The following MACROD2 variants were observed in gnomAD, a reference collection of about 807,000 sequenced individuals.
MACROD2 encodes mono-ADP ribosylhydrolase 2, also known as ADP-ribose glycohydrolase MACROD2.
Under a neutral mutation model 70.4 loss-of-function variants are expected in MACROD2, and 36 were observed. The observed-to-expected ratio is 0.51, with a 90% CI of 0.39 to 0.68. The LOEUF is 0.68. MACROD2 is among the 30% of genes least tolerant of loss of function. The pLI is 0.00. For synonymous variants in MACROD2, 172 were observed against 178.8 expected (o/e 0.96, Z 0.30); for missense variants, 496 against 538.4 (o/e 0.92, Z 0.78).
At chr20:15,969,256 C>T (rs1455377972) in intron 13 of MACROD2, among the ~76,000 whole-genome samples, 1 of 151,956 alleles carries the variant, frequency 6.6e-6, no homozygotes, top group East Asian at 1.9e-4. Context: ...AAGAGTGTTA[C>T]AGGCTTCAAA....
chr20:15,091,393 C>G (rs1210051247), intron 5 of MACROD2, among the ~76,000 whole-genome samples: 1 of 151,746 alleles, frequency 6.6e-6, no homozygotes, highest in East Asian at 1.9e-4. Flanking sequence ...TGTGATCCAA[C>G]TAGGACAGTT....
intron 3 of MACROD2, among the ~76,000 whole-genome samples, chr20:14,277,749 T>G (rs1156780498): frequency 6.6e-6 from 1 of 151,970 alleles, no homozygotes; most frequent in African/African-American, 2.4e-5. Flanking sequence ...AGGTAGAGAA[T>G]CTAATTTAAT....
At chr20:14,642,456 A>G (rs192876195) in intron 4 of MACROD2, among the ~76,000 whole-genome samples, 1 of 152,292 alleles carries the variant, frequency 6.6e-6, no homozygotes, top group East Asian at 1.9e-4. Flanking sequence ...TTGGTGCAAG[A>G]GGCCTAGCTT....
intron 5 of MACROD2, among the ~76,000 whole-genome samples, chr20:15,032,066 A>T (rs925632061): frequency 1.1e-4 from 16 of 152,206 alleles, no homozygotes; most frequent in African/African-American, 3.4e-4. Context: ...AAGGGTGCAC[A>T]CACGCGGCCA....
At chr20:14,723,198 T>C (rs2071490152) in intron 5 of MACROD2, among the ~76,000 whole-genome samples, 1 of 152,180 alleles carries the variant, frequency 6.6e-6, no homozygotes, top group Non-Finnish European at 1.5e-5. Flanking sequence ...AAGACTATTA[T>C]TGAGCTTGGA....
intron 5 of MACROD2, among the ~76,000 whole-genome samples, chr20:15,038,591 A>T (rs1338005115): frequency 6.6e-6 from 1 of 152,082 alleles, no homozygotes; most frequent in East Asian, 1.9e-4. Context: ...CATGTGTGTG[A>T]CTCTGCTATG....
intron 5 of MACROD2, among the ~76,000 whole-genome samples, chr20:15,121,670 G>A (rs2076032175): frequency 6.6e-6 from 1 of 151,992 alleles, no homozygotes; most frequent in South Asian, 2.1e-4. Flanking sequence ...CCTTACCACA[G>A]CCTGTTTGTT....
At chr20:15,279,102 T>A (rs2077420030) in intron 6 of MACROD2, among the ~76,000 whole-genome samples, 1 of 152,204 alleles carries the variant, frequency 6.6e-6, no homozygotes, top group Admixed American at 6.5e-5. Flanking sequence ...CAACAGGTAG[T>A]TAGTGGAAAC....
chr20:15,790,225 T>C (rs2063611522), intron 8 of MACROD2, among the ~76,000 whole-genome samples: 1 of 151,980 alleles, frequency 6.6e-6, no homozygotes, highest in Non-Finnish European at 1.5e-5. Context: ...TGGTGGTATA[T>C]TGAAATAATT....
intron 7 of MACROD2, among the ~76,000 whole-genome samples, chr20:15,461,006 A>ATATATTTTTTTT: frequency 4.3e-4 from 29 of 67,012 alleles, no homozygotes; most frequent in African/African-American, 1.0e-3. Context: ...ATATATATAT[A>ATATATTTTTTTT]TTTTTTTTTA....
At chr20:14,865,073 C>T (rs1373599592) in intron 5 of MACROD2, among the ~76,000 whole-genome samples, 1 of 152,050 alleles carries the variant, frequency 6.6e-6, no homozygotes, top group African/African-American at 2.4e-5. Flanking sequence ...TTGTCTTTCC[C>T]CTACTATGCT....
intron 10 of MACROD2, among the ~76,000 whole-genome samples, chr20:15,915,949 A>G (rs1350433908): frequency 6.6e-6 from 1 of 152,214 alleles, no homozygotes; most frequent in African/African-American, 2.4e-5. Context: ...AGTTTCCATA[A>G]AAGAGGGAGT....
chr20:15,317,525 C>T (rs951059476), intron 6 of MACROD2, among the ~76,000 whole-genome samples: 1 of 150,596 alleles, frequency 6.6e-6, no homozygotes, highest in Admixed American at 6.6e-5. Flanking sequence ...ATCTATCTAT[C>T]TGTCTATCTA....
chr20:15,802,583 T>A (rs2327966), intron 8 of MACROD2, among the ~76,000 whole-genome samples: 1 of 151,776 alleles, frequency 6.6e-6, no homozygotes, highest in Non-Finnish European at 1.5e-5. Flanking sequence ...ACCCTAATGA[T>A]GTACCTTATG....
chr20:14,409,428 T>TTTATTATTA (rs3043706), intron 3 of MACROD2, among the ~76,000 whole-genome samples: 2 of 150,336 alleles, frequency 1.3e-5, no homozygotes, highest in African/African-American at 4.9e-5. Context: ...TTATTGGTAT[T>TTTATTATTA]TTATTATTAT....
At chr20:14,389,915 A>AG (rs2083509216) in intron 3 of MACROD2, among the ~76,000 whole-genome samples, 1 of 152,232 alleles carries the variant, frequency 6.6e-6, no homozygotes, top group South Asian at 2.1e-4. Flanking sequence ...CAATCAGGCA[A>AG]GAGAAAGAAA....
intron 8 of MACROD2, among the ~76,000 whole-genome samples, chr20:15,835,926 A>T (rs1462840268): frequency 6.6e-6 from 1 of 152,214 alleles, no homozygotes; most frequent in Non-Finnish European, 1.5e-5. Context: ...GAAAAGCCAC[A>T]TGCATCAAAT....
chr20:15,196,927 A>G (rs1396075931), intron 5 of MACROD2: 1 of 985,320 alleles, frequency 1.0e-6, no homozygotes, highest in Admixed American at 6.1e-5. Flanking sequence ...GAAAGACTAC[A>G]TAAAAAACCT....
chr20:15,073,227 TATCTATATTTG>T, intron 5 of MACROD2, among the ~76,000 whole-genome samples: 1 of 152,128 alleles, frequency 6.6e-6, no homozygotes, highest in Non-Finnish European at 1.5e-5. Flanking sequence ...AGCTTAAAGC[TATCTATATTTG>T]AAGACTCTTG....
Sources: allele counts gnomAD v4.1 joint callset (sites outside exome capture counted in the v4.1 genomes callset), GRCh38; gene constraint gnomAD v4.1.1; transcripts MANE v1.5; gene names NCBI Gene and HGNC (gene_info 2026-07-23, HGNC 2026-07-21).